COL4A2: variants seen among roughly 807,000 people sequenced by gnomAD.
The protein encoded by COL4A2 is collagen alpha-2(IV) chain.
A neutral mutation model predicts 200.2 loss-of-function variants in COL4A2; 99 were observed. The ratio of observed to expected loss-of-function variants is 0.49; its 90% CI spans 0.42 to 0.58. COL4A2 has a LOEUF of 0.58. COL4A2 is among the 20% of genes least tolerant of loss of function. The pLI, the probability that COL4A2 is intolerant of heterozygous loss-of-function variation, is 0.00. For missense variants in COL4A2, 1,950 were observed against 2,314.1 expected, an observed-to-expected ratio of 0.84 and a Z score of 3.23; for synonymous variants, 897 against 900.6, an observed-to-expected ratio of 1.00 and a Z score of 0.07.
chr13:110,430,884 C>A, intron 10 of COL4A2: 2 of 646,140 alleles, frequency 3.1e-6, no homozygotes, highest in Non-Finnish European at 2.9e-6. Context: ...ATCCCCACCC[C>A]ATACCTACCC....
At chr13:110,344,440 A>G (rs376744666) in intron 3 of COL4A2, among the ~76,000 whole-genome samples, 8 of 152,238 alleles carry the variant, frequency 5.3e-5, no homozygotes, top group African/African-American at 1.9e-4. Context: ...GCTGTTTGTT[A>G]CAGCACATCT....
chr13:110,402,086 C>T (rs1180884045), intron 4 of COL4A2, among the ~76,000 whole-genome samples: 1 of 152,190 alleles, frequency 6.6e-6, no homozygotes, highest in African/African-American at 2.4e-5. Context: ...TTATATCCTT[C>T]TCACATGCAA....
intron 10 of COL4A2, among the ~76,000 whole-genome samples, 153 bp from the exon 11 acceptor site, chr13:110,432,172 C>A (rs751845902): frequency 6.6e-6 from 1 of 152,228 alleles, no homozygotes; most frequent in Non-Finnish European, 1.5e-5. Flanking sequence ...CCCAGCATGT[C>A]ATCTCTGCCA....
intron 3 of COL4A2, among the ~76,000 whole-genome samples, chr13:110,346,013 C>T (rs763246321): frequency 7.2e-5 from 11 of 152,072 alleles, no homozygotes; most frequent in Non-Finnish European, 1.5e-4. Context: ...AGCTCCGGGG[C>T]GCTGCTGATG....
At chr13:110,490,617 C>T (rs557043819) in intron 36 of COL4A2, among the ~76,000 whole-genome samples, 69 of 152,330 alleles carry the variant, frequency 4.5e-4, no homozygotes, top group African/African-American at 1.4e-3. Context: ...CCTGGGCTCC[C>T]GGTGGCTTCC....
rs577162971 is a variant in COL4A2, at chr13:110,496,721, C to T, written c.3760+1254C>T. ...AGTCCACCAGCACAGCCTCAGCCAG[C>T]GGTGAGGATCTAAGGTCAGTCCACC... On this transcript the variant is annotated intron_variant, in intron 40 of 47. Coordinates refer to ENST00000360467, the MANE Select transcript of COL4A2 (RefSeq NM_001846.4). Among the ~76,000 whole-genome samples, 9 of 107,432 alleles carry T rather than the reference C, an allele frequency of 8.4e-5. No homozygotes were observed. In the South Asian group the frequency reaches 1.3e-3, roughly 15 times the overall value. 70.5% of individuals were successfully genotyped at this position (107,432 alleles called of 152,430 possible).
At chr13:110,311,382 G>A (rs997019597) in intron 3 of COL4A2, among the ~76,000 whole-genome samples, 2 of 152,204 alleles carry the variant, frequency 1.3e-5, no homozygotes, top group East Asian at 1.9e-4. Context: ...GTGTAAGGCA[G>A]TGTGACACAG....
At chr13:110,438,102 A>G (rs911337813) in intron 14 of COL4A2, 65 bp downstream of exon 14, 2 of 1,405,044 alleles carry the variant, frequency 1.4e-6, no homozygotes, top group Middle Eastern at 4.1e-4. Flanking sequence ...TCTGCCAGGC[A>G]TGACGGGGTG....
At chr13:110,368,847 AAG>A (rs1877869361) in intron 4 of COL4A2, among the ~76,000 whole-genome samples, 1 of 19,054 alleles carries the variant, frequency 5.2e-5, no homozygotes, top group Admixed American at 2.8e-4. Flanking sequence ...GGCCAAAGAA[AAG>A]GGGGGGGGGG....
chr13:110,367,556 G>T (rs1426860113), intron 4 of COL4A2, among the ~76,000 whole-genome samples: 2 of 152,216 alleles, frequency 1.3e-5, no homozygotes, highest in East Asian at 3.8e-4. Flanking sequence ...CATTGTAAAA[G>T]TCTTATGAAA....
At chr13:110,482,238 C>T (rs1321752549) in intron 31 of COL4A2, among the ~76,000 whole-genome samples, 1 of 152,248 alleles carries the variant, frequency 6.6e-6, no homozygotes, top group East Asian at 1.9e-4. Context: ...CCTGCATCAT[C>T]TTCAGATTTC....
chr13:110,414,792 G>A (rs761541180), intron 4 of COL4A2, among the ~76,000 whole-genome samples: 69 of 152,194 alleles, frequency 4.5e-4, no homozygotes, highest in Non-Finnish European at 5.3e-4. Flanking sequence ...TTGTGTTTGC[G>A]TATTAAGCAA....
intron 34 of COL4A2, among the ~76,000 whole-genome samples, chr13:110,488,434 T>C (rs986986088): frequency 3.3e-5 from 5 of 152,156 alleles, no homozygotes; most frequent in African/African-American, 1.2e-4. Flanking sequence ...ATGCTCCCTC[T>C]GGGGAGGAAG....
chr13:110,490,101 G>A (rs934419541), intron 36 of COL4A2, among the ~76,000 whole-genome samples: 1 of 152,236 alleles, frequency 6.6e-6, no homozygotes, highest in Non-Finnish European at 1.5e-5. Context: ...CCTGACTCCC[G>A]GAACACCTGA....
chr13:110,349,887 G>T (rs112426420), intron 3 of COL4A2, among the ~76,000 whole-genome samples: 1 of 151,926 alleles, frequency 6.6e-6, no homozygotes, highest in South Asian at 2.1e-4. Flanking sequence ...TCTCAACCTC[G>T]TGAGTAGTTG....
chr13:110,479,357 G>A (rs1400743275), intron 30 of COL4A2, among the ~76,000 whole-genome samples: 1 of 15,242 alleles, frequency 6.6e-5, no homozygotes, highest in African/African-American at 1.6e-4. Flanking sequence ...GGGACAGGCA[G>A]GTCAGAGCAA....
rs1208073976 is a variant in COL4A2, at chr13:110,359,871, T to A, written c.180+2319T>A. 3.3e-5 allele frequency among the ~76,000 whole-genome samples: 5 copies of A among 152,346 alleles called. No individual in the cohort carries two copies. The East Asian group carries it at 9.6e-4, about 29-fold the overall frequency. On this transcript the variant is annotated intron_variant, in intron 4 of 47. Transcript: ENST00000360467. The stretch of plus-strand genomic sequence containing the variant: ...TGATCAAAGCTCCCATCTCTCCACC[T>A]GCTGCATTCATCATTAGTTGCACTT...
intron 29 of COL4A2, among the ~76,000 whole-genome samples, chr13:110,475,819 G>A (rs1882684849): frequency 6.6e-6 from 1 of 152,236 alleles, no homozygotes; most frequent in Admixed American, 6.5e-5. Flanking sequence ...GTCCACAAAT[G>A]AGATGTGATT....
In COL4A2 at chr13:110,440,551, G is replaced by A. The variant is rs112363296; in HGVS notation, c.957+718G>A. ...GCAGAGGCTACAGTGAGCCGAGATC[G>A]CGCCATTGCACTCCAGCCTGGGCAA... On this transcript the variant is annotated intron_variant, in intron 16 of 47. Coordinates refer to ENST00000360467, the MANE Select transcript of COL4A2 (RefSeq NM_001846.4). Among the ~76,000 whole-genome samples, 1,175 of 152,222 alleles carry A rather than the reference G, an allele frequency of 7.7e-3. 25 individuals are homozygous for A. Among genetic ancestry groups the A allele is most frequent in the Non-Finnish European group, 8.6e-3 (584 of 68,022 alleles).
Sources: gnomAD v4.1 joint callset for allele counts (sites outside exome capture counted in the v4.1 genomes callset) on GRCh38, gnomAD v4.1.1 for gene constraint, MANE v1.5 for transcripts, NCBI Gene and HGNC (gene_info 2026-07-23, HGNC 2026-07-21) for gene names.